SLC5A3: variants seen among roughly 807,000 people sequenced by gnomAD.
SLC5A3 encodes solute carrier family 5 member 3.
SLC5A3 carries 10 observed loss-of-function variants against 43.2 expected under a neutral mutation model. The ratio of observed to expected loss-of-function variants is 0.23; its 90% CI spans 0.14 to 0.39. SLC5A3 has a LOEUF of 0.39. Ranked by LOEUF, SLC5A3 falls within the 10% of genes least tolerant of loss-of-function variation. The pLI, the probability that SLC5A3 is intolerant of heterozygous loss-of-function variation, is 1.00. For missense variants in SLC5A3, 608 were observed against 893.4 expected, an observed-to-expected ratio of 0.68 and a Z score of 4.07; for synonymous variants, 349 against 322.0, an observed-to-expected ratio of 1.08 and a Z score of -0.90.
Position 34,096,849 on chromosome 21 carries a change from A to T in SLC5A3, c.1651A>T (p.Asn551Tyr). The change falls in exon 2 of 2, where the codon AAC becomes TAC. Residue 551 changes from asparagine to tyrosine, a missense_variant. Around this residue, in one of 2 missense-constraint regions of SLC5A3, gnomAD observed 210 missense variants for 224.8 expected, o/e 0.93. Coordinates refer to ENST00000381151, the MANE Select transcript of SLC5A3 (RefSeq NM_006933.7). The surrounding 1 kb of genome is among the most constrained non-coding windows in gnomAD (Gnocchi z 5.9). ...IRTTTFWSKKNLVVKENCSPK... is the reference protein window; with the variant it reads ...IRTTTFWSKKYLVVKENCSPK... ...AACCACCACCTTTTGGTCTAAGAAG[A>T]ACCTGGTGGTGAAGGAGAACTGCTC... 1 of 1,614,096 alleles carries T rather than the reference A, an allele frequency of 6.2e-7. No individual in the cohort carries two copies.
chr21:34,102,656 T>A lies in SLC5A3; in HGVS notation c.*5301T>A. 1 of 1,000,168 alleles carries A rather than the reference T, an allele frequency of 1.0e-6. No homozygotes were observed. 62.0% of individuals were successfully genotyped at this position (1,000,168 alleles called of 1,614,324 possible). On this transcript the variant is annotated 3_prime_UTR_variant, in exon 2 of 2. Coordinates refer to ENST00000381151, the MANE Select transcript of SLC5A3 (RefSeq NM_006933.7). ...AATTTGGTTACCTGGGTTCACAGCT[T>A]GCTTGAAGAGAAAGGATGCTAGAAT...
At chr21:34,094,545 C>G (rs955423354) in intron 1 of SLC5A3, among the ~76,000 whole-genome samples, 1 of 152,084 alleles carries the variant, frequency 6.6e-6, no homozygotes, top group African/African-American at 2.4e-5. Flanking sequence ...AGTGCCTGTC[C>G]TAATCTGAGC....
At chr21:34,081,709 T>G (rs1369522416) in intron 1 of SLC5A3, among the ~76,000 whole-genome samples, 2 of 152,210 alleles carry the variant, frequency 1.3e-5, no homozygotes, top group Admixed American at 1.3e-4. Context: ...AAAGTGGTTA[T>G]GTGACCTTGG....
rs1979077125 is a variant in SLC5A3 at position 34,098,509 on chromosome 21, A to AT, written c.*1159dup. The AT allele has an allele frequency of 1.0e-6, 1 of 999,942 alleles. No homozygotes were observed. The highest frequency in any genetic ancestry group is 1.2e-6 in the Non-Finnish European group (1 of 829,950). 61.9% of individuals were successfully genotyped at this position (999,942 alleles called of 1,614,324 possible). On this transcript the variant is annotated 3_prime_UTR_variant, in exon 2 of 2. Coordinates refer to ENST00000381151, the MANE Select transcript of SLC5A3 (RefSeq NM_006933.7). ...CTTTCCATCTGTACACAGCCTCTACATTTTTGTTGTAGTGACTTAGAGCAT... is the reference window on the plus strand; with the variant it reads ...CTTTCCATCTGTACACAGCCTCTACATTTTTTGTTGTAGTGACTTAGAGCAT...
chr21:34,081,810 A>G lies in SLC5A3; in HGVS notation c.-337+8065A>G, dbSNP rs1989464852. On this transcript the variant is annotated intron_variant, in intron 1 of 1. Coordinates refer to ENST00000381151, the MANE Select transcript of SLC5A3 (RefSeq NM_006933.7). ...CATTGCCTAGTTTTTCATTATTCCC[A>G]GTTTATTAATGAAGAAACTCTAAAA... is the stretch of plus-strand genomic sequence containing the variant. Among the ~76,000 whole-genome samples the G allele has an allele frequency of 2.6e-5, 4 of 152,148 alleles. No homozygotes were observed. In the South Asian group the frequency reaches 8.3e-4, roughly 32 times the overall value.
chr21:34,102,747 T>C lies in SLC5A3; in HGVS notation c.*5392T>C, dbSNP rs564244820. On this transcript the variant is annotated 3_prime_UTR_variant, in exon 2 of 2. Coordinates refer to ENST00000381151, the MANE Select transcript of SLC5A3 (RefSeq NM_006933.7). Reference sequence around the variant, plus strand: ...CAGTGGTCTCAGATTTTTCGTAGTGTGGGAACAGTGGTTTTGCTCTATACC... The same window carrying C: ...CAGTGGTCTCAGATTTTTCGTAGTGCGGGAACAGTGGTTTTGCTCTATACC... 1.0e-6 allele frequency: 1 copy of C among 1,000,180 alleles called. No individual in the cohort carries two copies. Among genetic ancestry groups the C allele is most frequent in the African/African-American group, 1.7e-5 (1 of 57,344 alleles). 62.0% of individuals were successfully genotyped at this position (1,000,180 alleles called of 1,614,324 possible).
At chr21:34,077,569 A>G (rs964326148) in intron 1 of SLC5A3, among the ~76,000 whole-genome samples, 2 of 152,194 alleles carry the variant, frequency 1.3e-5, no homozygotes, top group African/African-American at 4.8e-5. Context: ...ATAAGATAGC[A>G]TTTATATATA....
intron 1 of SLC5A3, among the ~76,000 whole-genome samples, chr21:34,081,963 T>G (rs1989468542): frequency 6.6e-6 from 1 of 152,198 alleles, no homozygotes; most frequent in South Asian, 2.1e-4. Context: ...TCCCATCTAT[T>G]ATTGCCATGA....
In SLC5A3 at chr21:34,095,510, A is replaced by G. The variant is rs374636407; in HGVS notation, c.312A>G (p.Ser104=). Residue 104 remains serine (S), a synonymous_variant, in exon 2 of 2, where the codon TCA becomes TCG. Transcript: ENST00000381151. ...TTTTCATCCCAATTTACATCCGGTC[A>G]GGGGTATATACCATGCCTGAATACT... ...GWVFIPIYIR[S]GVYTMPEYLS... 8.1e-5 allele frequency: 130 copies of G among 1,613,878 alleles called. No individual in the cohort carries two copies. Among genetic ancestry groups the G allele is most frequent in the Admixed American group, 1.2e-4 (7 of 59,964 alleles).
At chr21:34,091,939 A>G (rs140927046) in intron 1 of SLC5A3, among the ~76,000 whole-genome samples, 1 of 141,306 alleles carries the variant, frequency 7.1e-6, no homozygotes, top group South Asian at 2.3e-4. Flanking sequence ...TTATAATTTT[A>G]CTTGAGAGGT....
chr21:34,084,890 G>C (rs1294111151), intron 1 of SLC5A3, among the ~76,000 whole-genome samples: 1 of 152,054 alleles, frequency 6.6e-6, no homozygotes, highest in Non-Finnish European at 1.5e-5. Context: ...TTTTTGCCTA[G>C]ATCACTAATT....
rs1979334904 is a variant in SLC5A3 at position 34,103,364 on chromosome 21, CTTTA to C, written c.*6014_*6017del. ...TACATTGACATACTTTATGTGCAGC[CTTTA>C]TTTAGGTTCAGTGAAACCAGGTAGT... On this transcript the variant is annotated 3_prime_UTR_variant, in exon 2 of 2. Coordinates refer to ENST00000381151, the MANE Select transcript of SLC5A3 (RefSeq NM_006933.7). 1.0e-6 allele frequency: 1 copy of C among 996,808 alleles called. No homozygotes were observed. The highest frequency in any genetic ancestry group is 1.1e-4 in the East Asian group (1 of 8,800). 61.7% of individuals were successfully genotyped at this position (996,808 alleles called of 1,614,324 possible). A position where few individuals can be genotyped will look rare whatever the true frequency, so the allele number is the denominator to read the frequency against.
chr21:34,078,468 AC>A (rs1989385293), intron 1 of SLC5A3, among the ~76,000 whole-genome samples: 1 of 152,054 alleles, frequency 6.6e-6, no homozygotes, highest in South Asian at 2.1e-4. Context: ...TCAGAAGTTG[AC>A]ATTTTGCACT....
Position 34,095,033 on chromosome 21 carries a change from C to A in SLC5A3, c.-166C>A. ...TGTCTTCTTCAAAGTTTATCACAAC[C>A]ACCACCATCAAGACAGCAAACCAAA... On this transcript the variant is annotated 5_prime_UTR_variant, in exon 2 of 2. Transcript: ENST00000381151. 2 of 789,150 alleles carry A rather than the reference C, an allele frequency of 2.5e-6. No homozygotes were observed. Among genetic ancestry groups the A allele is most frequent in the Non-Finnish European group, 3.8e-6 (2 of 529,580 alleles). The allele number at this position is 789,150 out of a possible 1,614,324, so 48.9% of individuals were successfully genotyped here. A position where few individuals can be genotyped will look rare whatever the true frequency, so the allele number is the denominator to read the frequency against.
At chr21:34,087,145 T>G (rs1298290271) in intron 1 of SLC5A3, among the ~76,000 whole-genome samples, 1 of 152,192 alleles carries the variant, frequency 6.6e-6, no homozygotes, top group Non-Finnish European at 1.5e-5. Context: ...CATGGGCCAC[T>G]GAGATTTTTA....
chr21:34,103,741 T>G lies in SLC5A3; in HGVS notation c.*6386T>G, dbSNP rs1979353134. On this transcript the variant is annotated 3_prime_UTR_variant, in exon 2 of 2. Transcript: ENST00000381151. ...CAAGACAATGCGGTATCTAAACTGG[T>G]CCTAATGGTAAGGGACCCAAAGGAA... 1.0e-6 allele frequency: 1 copy of G among 999,868 alleles called. No homozygotes were observed. Among genetic ancestry groups the G allele is most frequent in the African/African-American group, 1.7e-5 (1 of 57,214 alleles). 61.9% of individuals were successfully genotyped at this position (999,868 alleles called of 1,614,324 possible).
Position 34,098,777 on chromosome 21 carries a change from G to A in SLC5A3, c.*1422G>A, listed in dbSNP as rs1170885500. ...CTAGTGGGTACAGGGTACAAAAGAT[G>A]TTAGAGAAAAGCTCTACAGATTACG... On this transcript the variant is annotated 3_prime_UTR_variant, in exon 2 of 2. Transcript: ENST00000381151. The A allele has an allele frequency of 1.0e-6, 1 of 1,000,098 alleles. No homozygotes were observed. The highest frequency in any genetic ancestry group is 1.1e-4 in the East Asian group (1 of 8,822). 62.0% of individuals were successfully genotyped at this position (1,000,098 alleles called of 1,614,324 possible).
At chr21:34,088,829 A>ATG (rs1414066623) in intron 1 of SLC5A3, among the ~76,000 whole-genome samples, 2 of 152,094 alleles carry the variant, frequency 1.3e-5, no homozygotes, top group Non-Finnish European at 2.9e-5. Flanking sequence ...ATAAAACTAG[A>ATG]CACAGTACCT....
rs1044519325 is a variant in SLC5A3 at position 34,103,482 on chromosome 21, G to A, written c.*6127G>A. Reference sequence around the variant, plus strand: ...TATGTTCTGTGATCTTAATTTTGTTGTGTTTCCATTGTAGGTTGATAGGTA... The same window carrying A: ...TATGTTCTGTGATCTTAATTTTGTTATGTTTCCATTGTAGGTTGATAGGTA... On this transcript the variant is annotated 3_prime_UTR_variant, in exon 2 of 2. Transcript: ENST00000381151. 1.0e-6 allele frequency: 1 copy of A among 998,872 alleles called. No homozygotes were observed. Among genetic ancestry groups the A allele is most frequent in the East Asian group, 1.1e-4 (1 of 8,808 alleles). 61.9% of individuals were successfully genotyped at this position (998,872 alleles called of 1,614,324 possible). A position where few individuals can be genotyped will look rare whatever the true frequency, so the allele number is the denominator to read the frequency against.
Sources: allele counts gnomAD v4.1 joint callset (sites outside exome capture counted in the v4.1 genomes callset), GRCh38; gene constraint gnomAD v4.1.1; regional missense constraint gnomAD v4.1.1; non-coding constraint Gnocchi (gnomAD v3.1); transcripts MANE v1.5; gene names NCBI Gene and HGNC (gene_info 2026-07-23, HGNC 2026-07-21).